The following LRP1B variants were observed in gnomAD, a reference collection of about 807,000 sequenced individuals.
LRP1B encodes low-density lipoprotein receptor-related protein 1B.
Under a neutral mutation model 556.6 loss-of-function variants are expected in LRP1B, and 217 were observed. The observed-to-expected ratio is 0.39, with a 90% CI of 0.35 to 0.44. The LOEUF (loss-of-function observed/expected upper bound fraction) is 0.44. LRP1B is among the 20% of genes least tolerant of loss of function. The pLI, the probability that LRP1B is intolerant of heterozygous loss-of-function variation, is 1.00. For missense variants in LRP1B, 5,053 were observed against 5,620.8 expected, an observed-to-expected ratio of 0.90 and a Z score of 3.23; for synonymous variants, 2,047 against 1,865.8, an observed-to-expected ratio of 1.10 and a Z score of -2.50.
chr2:141,118,241 GA>G (rs1281154493), intron 7 of LRP1B, among the ~76,000 whole-genome samples: 3 of 151,554 alleles, frequency 2.0e-5, no homozygotes, highest in South Asian at 2.1e-4. Flanking sequence ...ATAGATAAAG[GA>G]AAAAAACAGC....
At chr2:140,985,723 T>C (rs1696901046) in intron 17 of LRP1B, among the ~76,000 whole-genome samples, 1 of 151,968 alleles carries the variant, frequency 6.6e-6, no homozygotes, top group Admixed American at 6.6e-5. Flanking sequence ...TCCTGGACAA[T>C]CTATTCTGGT....
intron 1 of LRP1B, among the ~76,000 whole-genome samples, chr2:142,086,641 A>AAAC (rs143098707): frequency 0.19 from 3,667 of 19,024 alleles, 64 homozygotes; most frequent in South Asian, 0.36. Context: ...ACAAACAAAC[A>AAAC]AAAAAAAAAC....
chr2:140,992,456 G>C (rs927070089), intron 16 of LRP1B: 1 of 152,068 alleles, frequency 6.6e-6, no homozygotes, highest in African/African-American at 2.4e-5. Flanking sequence ...TGAATATTGT[G>C]ATGCAGTATT....
intron 2 of LRP1B, among the ~76,000 whole-genome samples, chr2:141,723,535 A>T (rs2105503632): frequency 6.6e-6 from 1 of 151,972 alleles, no homozygotes; most frequent in African/African-American, 2.4e-5. Context: ...TGAAGTATTT[A>T]TTCATAAGCA....
intron 11 of LRP1B, among the ~76,000 whole-genome samples, chr2:141,035,166 G>A (rs1219823986): frequency 6.6e-6 from 1 of 151,724 alleles, no homozygotes; most frequent in Non-Finnish European, 1.5e-5. Flanking sequence ...GAGAACACAT[G>A]GACACAGGAA....
At position 141,058,926 on chromosome 2, in the gene LRP1B, A is replaced by G. The variant is rs58748805; in HGVS notation, c.1365T>C (p.Asn455=). 3,905 of 1,598,636 alleles carry G rather than the reference A, an allele frequency of 2.4e-3. 102 individuals are homozygous for G. In the African/African-American group the frequency reaches 0.048, roughly 20 times the overall value. The change falls in exon 9 of 91, where the codon AAT becomes AAC. Residue 455 remains asparagine (N), a synonymous_variant. Coordinates refer to ENST00000389484, the MANE Select transcript of LRP1B (RefSeq NM_018557.3). The stretch of plus-strand genomic sequence containing the variant: ...TTTGATAAATTCGGATTCCCCAAGC[A>G]TTCTCAATTTTAATTAATGAGTGAA... ...TDIHSLIKIE[N]AWGIRIYQKR... is the part of the protein sequence containing the mutation.
chr2:141,056,888 A>G (rs192411273), intron 9 of LRP1B, among the ~76,000 whole-genome samples: 15 of 151,986 alleles, frequency 9.9e-5, no homozygotes, highest in Admixed American at 8.5e-4. Context: ...ATGAAAATTA[A>G]ATTTGCTATC....
chr2:141,770,329 C>T (rs1479930326), intron 2 of LRP1B, among the ~76,000 whole-genome samples: 1 of 152,130 alleles, frequency 6.6e-6, no homozygotes, highest in Non-Finnish European at 1.5e-5. Flanking sequence ...TCATTATTCT[C>T]ACTTTAATGG....
At chr2:141,759,271 T>C (rs1694443749) in intron 2 of LRP1B, among the ~76,000 whole-genome samples, 1 of 152,142 alleles carries the variant, frequency 6.6e-6, no homozygotes, top group Non-Finnish European at 1.5e-5. Flanking sequence ...TCTAAACTCA[T>C]TTGCAGAATG....
intron 2 of LRP1B, among the ~76,000 whole-genome samples, chr2:141,580,696 G>A (rs189980480): frequency 9.2e-5 from 14 of 152,280 alleles, no homozygotes; most frequent in African/African-American, 3.1e-4. Context: ...CAGGTTTCCC[G>A]AACATAAAGT....
chr2:140,923,119 T>C lies in LRP1B; in HGVS notation c.3165A>G (p.Gly1055=). The C allele has an allele frequency of 6.2e-7, 1 of 1,611,832 alleles. No homozygotes were observed. The highest frequency in any genetic ancestry group is 8.5e-7 in the Non-Finnish European group (1 of 1,178,760). Residue 1055 remains glycine, a synonymous_variant, in exon 21 of 91, where the codon GGA becomes GGG. Transcript: ENST00000389484. ...CATCAGGGTGGCACTGAAATTCATT[T>C]CCGTTACAACCAGCAGGAGAATGAA... ...EEIHSPAGCN[G]NEFQCHPDGN... is the part of the protein sequence containing the mutation.
intron 35 of LRP1B, among the ~76,000 whole-genome samples, chr2:140,741,354 T>C (rs1392653689): frequency 2.0e-5 from 3 of 152,088 alleles, no homozygotes; most frequent in Non-Finnish European, 4.4e-5. Context: ...TAACTACATA[T>C]AATAACTGAA....
rs117633197 is a variant in LRP1B at position 140,789,329 on chromosome 2, G to T, written c.5360-13091C>A. 2.8e-3 allele frequency among the ~76,000 whole-genome samples: 426 copies of T among 152,124 alleles called. 13 individuals are homozygous for T. The East Asian group carries it at 0.036, about 13-fold the overall frequency. On this transcript the variant is annotated intron_variant, in intron 32 of 90. Transcript: ENST00000389484. Reference sequence around the variant, plus strand: ...GGTCTTGGTGCCTTCCATTACCCCTGCTACCACACTAGTCCAAGCTATCAT... The same window carrying T: ...GGTCTTGGTGCCTTCCATTACCCCTTCTACCACACTAGTCCAAGCTATCAT...
intron 8 of LRP1B, 48 bp downstream of exon 8, chr2:141,062,003 C>T (rs1258104070): frequency 2.0e-6 from 3 of 1,512,624 alleles, no homozygotes; most frequent in Non-Finnish European, 2.7e-6. Flanking sequence ...GGTATTATTC[C>T]TTTCTTTTTA....
At chr2:140,742,843 A>C (rs1390244855) in intron 35 of LRP1B, among the ~76,000 whole-genome samples, 1 of 152,180 alleles carries the variant, frequency 6.6e-6, no homozygotes, top group African/African-American at 2.4e-5. Flanking sequence ...TTTCAAAATT[A>C]TATAAGATAG....
chr2:140,719,415 A>G (rs1687324364), intron 35 of LRP1B, among the ~76,000 whole-genome samples: 1 of 90,658 alleles, frequency 1.1e-5, no homozygotes, highest in Non-Finnish European at 2.5e-5. Flanking sequence ...TTTACAATAA[A>G]AAAAAAAAGG....
chr2:140,874,146 C>T (rs1693229441), intron 25 of LRP1B, among the ~76,000 whole-genome samples: 1 of 151,982 alleles, frequency 6.6e-6, no homozygotes, highest in African/African-American at 2.4e-5. Context: ...TATGATCAAG[C>T]TGTCTATAAT....
At position 140,347,442 on chromosome 2, in the gene LRP1B, G is replaced by A. The variant is rs558530599; in HGVS notation, c.11892+3355C>T. On this transcript the variant is annotated intron_variant, in intron 77 of 90. Transcript: ENST00000389484. ...CTAACCATTTTCATAGATCACAGAA[G>A]AGTATTCCCTTCACAATTTCCAAAA... Among the ~76,000 whole-genome samples the A allele has an allele frequency of 6.0e-5, 9 of 150,338 alleles. No individual in the cohort carries two copies. The South Asian group carries it at 1.9e-3, about 31-fold the overall frequency.
chr2:141,680,183 C>T (rs546906907), intron 2 of LRP1B, among the ~76,000 whole-genome samples: 30 of 152,004 alleles, frequency 2.0e-4, no homozygotes, highest in African/African-American at 3.4e-4. Context: ...TTGCGAATTT[C>T]GAATCAAAAT....
Sources: gnomAD v4.1 joint callset for allele counts (sites outside exome capture counted in the v4.1 genomes callset) on GRCh38, gnomAD v4.1.1 for gene constraint, MANE v1.5 for transcripts, NCBI Gene and HGNC (gene_info 2026-07-23, HGNC 2026-07-21) for gene names.